Variants in VTI1A observed in about 807,000 individuals in gnomAD.
The protein encoded by VTI1A is vesicle transport through interaction with t-SNAREs 1A.
In VTI1A, 22 loss-of-function variants were observed where a neutral mutation model predicts 34.9. That is an observed-to-expected ratio of 0.63 (90% confidence interval 0.45 to 0.90). The LOEUF is 0.90. Among genes scored for constraint, VTI1A ranks in the 40% least tolerant of loss-of-function variants. The probability of loss-of-function intolerance (pLI) is 0.00; values close to 1 mark genes in which losing one functional copy is unlikely to be tolerated. For synonymous variants in VTI1A, 87 were observed against 97.3 expected (o/e 0.89, Z 0.62); for missense variants, 268 against 275.6 (o/e 0.97, Z 0.20).
At chr10:112,804,758 AGCCAGACCT>A (rs756978931) in intron 7 of VTI1A, among the ~76,000 whole-genome samples, 10 of 151,844 alleles carry the variant, frequency 6.6e-5, no homozygotes, top group Non-Finnish European at 1.0e-4. Flanking sequence ...GAAGGACTTC[AGCCAGACCT>A]GCCAGACCTG....
intron 5 of VTI1A, among the ~76,000 whole-genome samples, chr10:112,667,044 C>T (rs994080452): frequency 6.6e-6 from 1 of 151,784 alleles, no homozygotes; most frequent in African/African-American, 2.4e-5. Context: ...TCAATGTGGC[C>T]TAACTACTGC....
intron 3 of VTI1A, among the ~76,000 whole-genome samples, chr10:112,476,874 A>G (rs1239846966): frequency 6.6e-6 from 1 of 152,136 alleles, no homozygotes. Context: ...TGAGATGTGG[A>G]ACAAAATTTA....
chr10:112,800,009 C>T (rs1852821803), intron 7 of VTI1A, among the ~76,000 whole-genome samples: 1 of 152,026 alleles, frequency 6.6e-6, no homozygotes, highest in Non-Finnish European at 1.5e-5. Flanking sequence ...GTAACCACAT[C>T]CCTCAAAAGT....
intron 7 of VTI1A, among the ~76,000 whole-genome samples, chr10:112,761,588 G>A (rs1221147041): frequency 3.9e-5 from 6 of 152,238 alleles, no homozygotes; most frequent in Admixed American, 6.5e-5. Context: ...ACAGCCTGAC[G>A]TTATTCTTAA....
chr10:112,455,754 A>C (rs920002673), intron 1 of VTI1A, among the ~76,000 whole-genome samples: 1 of 151,312 alleles, frequency 6.6e-6, no homozygotes, highest in Non-Finnish European at 1.5e-5. Flanking sequence ...GAGGAACACT[A>C]TAAGGACCAA....
At chr10:112,833,075 C>A in the VTI1A span, among the ~76,000 whole-genome samples, 1 of 139,998 alleles carries the variant, frequency 7.1e-6, no homozygotes, top group African/African-American at 2.9e-5. Flanking sequence ...TCACATGTTA[C>A]CATGCTTTAA....
chr10:112,463,673 A>T (rs1393668985), intron 2 of VTI1A, among the ~76,000 whole-genome samples: 4 of 151,932 alleles, frequency 2.6e-5, no homozygotes, highest in Admixed American at 2.6e-4. Flanking sequence ...AGCTATATGT[A>T]ATTTAGCATA....
At chr10:112,631,046 C>T (rs962359420) in intron 5 of VTI1A, among the ~76,000 whole-genome samples, 1 of 151,824 alleles carries the variant, frequency 6.6e-6, no homozygotes, top group Non-Finnish European at 1.5e-5. Flanking sequence ...CGCTTGAACC[C>T]GGGAGCCGGG....
the VTI1A span, among the ~76,000 whole-genome samples, chr10:112,830,849 A>ATATATATATATATATATTTTTTTT: frequency 9.0e-5 from 3 of 33,496 alleles, no homozygotes; most frequent in Admixed American, 4.7e-4. Flanking sequence ...ATATATATAT[A>ATATATATATATATATATTTTTTTT]TTTTTTTTTT....
At chr10:112,629,605 A>G (rs1164011292) in intron 5 of VTI1A, among the ~76,000 whole-genome samples, 2 of 152,268 alleles carry the variant, frequency 1.3e-5, no homozygotes, top group Admixed American at 6.5e-5. Flanking sequence ...TGATTTAGGA[A>G]TGAATGCTTA....
rs7067688 is a variant in VTI1A at position 112,755,955 on chromosome 10, T to G, written c.561-59335T>G. Among the ~76,000 whole-genome samples, 500 of 152,202 alleles carry G rather than the reference T, an allele frequency of 3.3e-3. 5 individuals carry two copies. The highest frequency in any genetic ancestry group is 0.01 in the African/African-American group (433 of 41,520). On this transcript the variant is annotated intron_variant, in intron 7 of 7. Transcript: ENST00000393077. ...AGTCCAGAGCATGCTCACAAGGGCT[T>G]CTTTGATGAAAGGGTTCTTGGTAAG...
chr10:112,732,157 C>T (rs768857245), intron 7 of VTI1A, among the ~76,000 whole-genome samples: 9 of 152,048 alleles, frequency 5.9e-5, no homozygotes, highest in Non-Finnish European at 1.3e-4. Flanking sequence ...CAAATGACAT[C>T]ACAAGTTTGA....
chr10:112,841,998 G>A, the VTI1A span, among the ~76,000 whole-genome samples: 1 of 146,750 alleles, frequency 6.8e-6, no homozygotes, highest in Admixed American at 6.8e-5. Flanking sequence ...TTCATGACAT[G>A]GTTTCCAACA....
At chr10:112,684,713 A>G (rs970097910) in intron 7 of VTI1A, among the ~76,000 whole-genome samples, 1 of 152,158 alleles carries the variant, frequency 6.6e-6, no homozygotes, top group African/African-American at 2.4e-5. Flanking sequence ...TGCTGGGATT[A>G]CAGGTGTGAG....
At chr10:112,807,598 A>T (rs946054914) in intron 7 of VTI1A, among the ~76,000 whole-genome samples, 2 of 152,156 alleles carry the variant, frequency 1.3e-5, no homozygotes, top group African/African-American at 4.8e-5. Flanking sequence ...CACACCTGTA[A>T]TCCCAGCACT....
rs3057346 is a variant in VTI1A, at chr10:112,611,737, A to ATTTTTTTTTTTTTTT, written c.428-56473_428-56459dup. On this transcript the variant is annotated intron_variant, in intron 5 of 7. Coordinates refer to ENST00000393077, the MANE Select transcript of VTI1A (RefSeq NM_145206.4). ...TAAAGCCCATTTGGTGAGAAAGGTA[A>ATTTTTTTTTTTTTTT]TTTTTTTTTTTTTTTTTTTTTTGTG... Among the ~76,000 whole-genome samples the ATTTTTTTTTTTTTTT allele has an allele frequency of 4.9e-3, 489 of 100,740 alleles. 51 individuals carry two copies. The highest frequency in any genetic ancestry group is 0.02 in the African/African-American group (457 of 22,310). The allele number at this position is 100,740 out of a possible 152,430, so 66.1% of individuals were successfully genotyped here. A position where few individuals can be genotyped will look rare whatever the true frequency, so the allele number is the denominator to read the frequency against.
chr10:112,698,479 A>G (rs1479527121), intron 7 of VTI1A, among the ~76,000 whole-genome samples: 1 of 152,212 alleles, frequency 6.6e-6, no homozygotes, highest in East Asian at 1.9e-4. Flanking sequence ...AGGAAAAAAG[A>G]ATTCTAGCTT....
intron 5 of VTI1A, among the ~76,000 whole-genome samples, chr10:112,542,629 C>A (rs1850911815): frequency 6.6e-6 from 1 of 152,176 alleles, no homozygotes; most frequent in East Asian, 1.9e-4. Flanking sequence ...AGAAATAACA[C>A]AATGTTTATT....
intron 3 of VTI1A, among the ~76,000 whole-genome samples, chr10:112,469,433 A>G (rs1035306956): frequency 2.0e-5 from 3 of 152,174 alleles, no homozygotes; most frequent in Non-Finnish European, 4.4e-5. Context: ...CATACTCCCA[A>G]GAACTAATTT....
Sources: allele counts gnomAD v4.1 joint callset (sites outside exome capture counted in the v4.1 genomes callset), GRCh38; gene constraint gnomAD v4.1.1; transcripts MANE v1.5; gene names NCBI Gene and HGNC (gene_info 2026-07-23, HGNC 2026-07-21).